Variants in SRPK1 observed in about 807,000 individuals in gnomAD.
SRPK1 encodes the protein SRSF protein kinase 1.
SRPK1 carries 52 observed loss-of-function variants against 89.5 expected under a neutral mutation model. The ratio of observed to expected loss-of-function variants is 0.58; its 90% CI spans 0.46 to 0.73. The LOEUF (loss-of-function observed/expected upper bound fraction) is 0.73, where lower values mean the gene tolerates loss of function less well. Ranked by LOEUF, SRPK1 falls within the 30% of genes least tolerant of loss-of-function variation. SRPK1 has a pLI of 0.00. For missense variants in SRPK1, 603 were observed against 780.6 expected (o/e 0.77, Z 2.71); for synonymous variants, 255 against 270.2 (o/e 0.94, Z 0.55).
intron 3 of SRPK1, among the ~76,000 whole-genome samples, chr6:35,890,147 C>T (rs1561988402): frequency 6.6e-6 from 1 of 152,060 alleles, no homozygotes; most frequent in Non-Finnish European, 1.5e-5. Context: ...ATTAGCCAGG[C>T]GTGGTGGTGG....
chr6:35,920,549 T>C, intron 1 of SRPK1, 21 bp from the exon 2 acceptor site: 1 of 1,611,212 alleles, frequency 6.2e-7, no homozygotes, highest in Non-Finnish European at 8.5e-7. Context: ...GAGGGATGGA[T>C]GAAGGGCGAA....
intron 2 of SRPK1, among the ~76,000 whole-genome samples, chr6:35,897,439 A>G (rs1770648227): frequency 6.6e-6 from 1 of 152,250 alleles, no homozygotes; most frequent in South Asian, 2.1e-4. Context: ...GGGTAAAAGT[A>G]GTTGCTTTAG....
chr6:35,871,093 TA>T, intron 8 of SRPK1, 134 bp from the exon 9 acceptor site: 1 of 502,586 alleles, frequency 2.0e-6, no homozygotes, highest in Non-Finnish European at 3.4e-6. Context: ...CTATTGTTTT[TA>T]AATGACTTAA....
chr6:35,870,257 A>AC (rs1446317467), intron 10 of SRPK1, 24 bp downstream of exon 10: 1 of 1,597,768 alleles, frequency 6.3e-7, no homozygotes, highest in Non-Finnish European at 8.6e-7. Context: ...TTGTACAGTA[A>AC]TTTTCGTGAT....
rs983085453 is a variant in SRPK1 at position 35,835,585 on chromosome 6, A to T, written c.1784-97T>A. On this transcript the variant is annotated intron_variant, in intron 15 of 15. Coordinates refer to ENST00000373825, the MANE Select transcript of SRPK1 (RefSeq NM_003137.5). ...CACAAACTAACCCATGTAGTCTATG[A>T]GGAATCAAATTTTGCAATCAGAATC... 8.8e-6 allele frequency: 10 copies of T among 1,130,948 alleles called. No homozygotes were observed. In the Admixed American group the frequency reaches 1.2e-4, roughly 14 times the overall value. The allele number at this position is 1,130,948 out of a possible 1,614,324, so 70.1% of individuals were successfully genotyped here. A position where few individuals can be genotyped will look rare whatever the true frequency, so the allele number is the denominator to read the frequency against.
At position 35,903,970 on chromosome 6, in the gene SRPK1, AT is replaced by A. The variant is rs754037534; in HGVS notation, c.75-12958del. 6.6e-3 allele frequency among the ~76,000 whole-genome samples: 948 copies of A among 143,030 alleles called. 1 individual carries two copies. Among genetic ancestry groups the A allele is most frequent in the Admixed American group, 8.0e-3 (114 of 14,234 alleles). The allele number at this position is 143,030 out of a possible 152,430, so 93.8% of individuals were successfully genotyped here. On this transcript the variant is annotated intron_variant, in intron 2 of 15. Transcript: ENST00000373825. ...TAGCGTGCATCACAACACCCAGCGA[AT>A]TTTTTTTTTTTTTTTAAAGACAGGG...
At chr6:35,867,931 A>C (rs1769941086) in intron 12 of SRPK1, among the ~76,000 whole-genome samples, 1 of 152,126 alleles carries the variant, frequency 6.6e-6, no homozygotes, top group Non-Finnish European at 1.5e-5. Flanking sequence ...ACAAGAAAAT[A>C]CTTTTCTGAG....
intron 6 of SRPK1, among the ~76,000 whole-genome samples, chr6:35,880,077 A>AG (rs1561983349): frequency 3.1e-5 from 2 of 64,858 alleles, no homozygotes. Context: ...CTTGTCTCAG[A>AG]AAAAAAAAAA....
At chr6:35,885,340 A>C (rs1285139947) in intron 6 of SRPK1, among the ~76,000 whole-genome samples, 1 of 147,466 alleles carries the variant, frequency 6.8e-6, no homozygotes, top group African/African-American at 2.5e-5. Flanking sequence ...GCCATCTACA[A>C]AGTGACCACA....
At chr6:35,839,634 C>T (rs2817030) in intron 14 of SRPK1, among the ~76,000 whole-genome samples, 1 of 135,624 alleles carries the variant, frequency 7.4e-6, no homozygotes, top group African/African-American at 2.7e-5. Context: ...TCTACTGCCC[C>T]CCCCCTTTTT....
rs746451428 is a variant in SRPK1, at chr6:35,869,755, G to A, written c.1138C>T (p.Leu380=). The A allele has an allele frequency of 1.2e-6, 2 of 1,613,854 alleles. No homozygotes were observed. Among genetic ancestry groups the A allele is most frequent in the Non-Finnish European group, 1.7e-6 (2 of 1,179,808 alleles). ...ACATCACAGTCATTAGCATTATGTA[G>A]ATCCTCTTTATGTCTCAATGTTTCA... ...NNETLRHKED[L]HNANDCDVQN... Residue 380 remains leucine (L), a synonymous_variant, in exon 11 of 16, where the codon CTA becomes TTA. Coordinates refer to ENST00000373825, the MANE Select transcript of SRPK1 (RefSeq NM_003137.5).
intron 2 of SRPK1, among the ~76,000 whole-genome samples, chr6:35,915,608 A>G (rs1771072509): frequency 6.6e-6 from 1 of 152,198 alleles, no homozygotes; most frequent in Non-Finnish European, 1.5e-5. Flanking sequence ...TGGAATATTT[A>G]ATACACGAAA....
intron 2 of SRPK1, among the ~76,000 whole-genome samples, chr6:35,893,534 T>G (rs1019196622): frequency 6.6e-6 from 1 of 150,924 alleles, no homozygotes; most frequent in Non-Finnish European, 1.5e-5. Flanking sequence ...TATAATGGAG[T>G]TGACACCATA....
chr6:35,874,988 G>A (rs1166804892), intron 6 of SRPK1, among the ~76,000 whole-genome samples: 1 of 152,336 alleles, frequency 6.6e-6, no homozygotes, highest in South Asian at 2.1e-4. Context: ...GCACTACAGA[G>A]ATTTTAGTAG....
chr6:35,869,253 C>G, intron 11 of SRPK1, 143 bp from the exon 12 acceptor site: 1 of 875,882 alleles, frequency 1.1e-6, no homozygotes, highest in South Asian at 1.8e-5. Context: ...AAGAGCACAG[C>G]AACGCCTTGA....
chr6:35,921,020 G>A, intron 1 of SRPK1, 24 bp downstream of exon 1: 4 of 1,541,978 alleles, frequency 2.6e-6, no homozygotes, highest in Non-Finnish European at 3.5e-6. Flanking sequence ...TGCCCCTCGT[G>A]GCGGAGGCCG....
intron 9 of SRPK1, 52 bp from the exon 10 acceptor site, chr6:35,870,546 C>A (rs1421281493): frequency 2.7e-6 from 4 of 1,475,956 alleles, no homozygotes; most frequent in Non-Finnish European, 3.6e-6. Flanking sequence ...ATTAATTACC[C>A]CCAGTTGGAG....
At chr6:35,895,987 T>C (rs1035432548) in intron 2 of SRPK1, among the ~76,000 whole-genome samples, 1 of 152,220 alleles carries the variant, frequency 6.6e-6, no homozygotes, top group African/African-American at 2.4e-5. Context: ...TTAGGCCCTA[T>C]GCATCTATTC....
At chr6:35,876,893 G>C (rs927980620) in intron 6 of SRPK1, among the ~76,000 whole-genome samples, 3 of 152,134 alleles carry the variant, frequency 2.0e-5, no homozygotes, top group Non-Finnish European at 4.4e-5. Context: ...TTGAATCAAT[G>C]GGAGCTGAGA....
Sources: gnomAD v4.1 joint callset for allele counts (sites outside exome capture counted in the v4.1 genomes callset) on GRCh38, gnomAD v4.1.1 for gene constraint, MANE v1.5 for transcripts, NCBI Gene and HGNC (gene_info 2026-07-23, HGNC 2026-07-21) for gene names.